The following FAM227A variants were observed in gnomAD, a reference collection of about 807,000 sequenced individuals.
FAM227A encodes family with sequence similarity 227 member A, also known as protein FAM227A.
A neutral mutation model predicts 74.7 loss-of-function variants in FAM227A; 80 were observed. The observed-to-expected ratio is 1.07, with a 90% CI of 0.89 to 1.29. The LOEUF is 1.29. Ranked by LOEUF, FAM227A falls within the 50% of genes most tolerant of loss-of-function variation. FAM227A has a pLI of 0.00. For missense variants in FAM227A, 654 were observed against 683.4 expected, an observed-to-expected ratio of 0.96 and a Z score of 0.48; for synonymous variants, 237 against 241.8, an observed-to-expected ratio of 0.98 and a Z score of 0.19.
rs759364282 is a variant in FAM227A at position 38,628,256 on chromosome 22, A to T, written c.708T>A (p.Ser236=). Residue 236 remains serine, a synonymous_variant, in exon 8 of 17, where the codon TCT becomes TCA. Transcript: ENST00000535113. ...TGCTCACTTTTAAGAGCGCCTCTTC[A>T]GAGTGGGACTTGGGTACACGAAACA... ...LLLFRVPKSH[S]EEALLKRLPS... The T allele has an allele frequency of 3.2e-5, 50 of 1,549,646 alleles. No individual in the cohort carries two copies. The South Asian group carries it at 3.6e-4, about 11-fold the overall frequency.
intron 11 of FAM227A, among the ~76,000 whole-genome samples, chr22:38,613,371 A>ATATATAT (rs2091499024): frequency 1.8e-4 from 2 of 11,324 alleles, no homozygotes; most frequent in African/African-American, 1.1e-3. Flanking sequence ...ATCATATATA[A>ATATATAT]TATATAACAT....
chr22:38,607,567 A>ACCC, intron 11 of FAM227A, 91 bp from the exon 12 acceptor site: 1 of 864,158 alleles, frequency 1.2e-6, no homozygotes, highest in Non-Finnish European at 1.9e-6. Context: ...AAAAAGTAAT[A>ACCC]CATGCAATTT....
In FAM227A at chr22:38,582,801, GC is replaced by G; in HGVS notation, c.*3323del. 1 of 1,546,990 alleles carries G rather than the reference GC, an allele frequency of 6.5e-7. No individual in the cohort carries two copies. On this transcript the variant is annotated 3_prime_UTR_variant, in exon 17 of 17. Transcript: ENST00000535113. ...ATTCCAATCTACTATGGTAACTGCT[GC>G]CATAATGGGATGGCACAGAATGCTG...
In FAM227A at chr22:38,596,806, T is replaced by C. The variant is rs537220495; in HGVS notation, c.1532+398A>G. ...GAGGAAAATGTCCATAATATGCTGC[T>C]AGTGGGAAAAAATAGGTCTAAAAAA... On this transcript the variant is annotated intron_variant, in intron 15 of 16. Coordinates refer to ENST00000535113, the MANE Select transcript of FAM227A (RefSeq NM_001013647.2). Among the ~76,000 whole-genome samples, 16 of 152,166 alleles carry C rather than the reference T, an allele frequency of 1.1e-4. No homozygotes were observed. In the South Asian group the frequency reaches 3.3e-3, roughly 32 times the overall value.
chr22:38,629,161 A>C (rs796964818), intron 6 of FAM227A, among the ~76,000 whole-genome samples: 9 of 152,328 alleles, frequency 5.9e-5, no homozygotes, highest in African/African-American at 2.2e-4. Context: ...TGGCTGAGCC[A>C]GGACTGGAAC....
At chr22:38,637,764 G>GT (rs1456038109) in intron 5 of FAM227A, among the ~76,000 whole-genome samples, 1 of 152,258 alleles carries the variant, frequency 6.6e-6, no homozygotes, top group African/African-American at 2.4e-5. Flanking sequence ...GCCTTGTGCT[G>GT]TTTTGGAATT....
rs1326343349 is a variant in FAM227A at position 38,626,171 on chromosome 22, A to C, written c.850+9T>G. The stretch of plus-strand genomic sequence containing the variant: ...TCGCTTTCCCCGGTGGAAAAAAGTC[A>C]CCTCTCACCTGAAATCCACAGGCTC... On this transcript the variant is annotated intron_variant, in intron 9 of 16. Transcript: ENST00000535113. 2 of 1,549,216 alleles carry C rather than the reference A, an allele frequency of 1.3e-6. No homozygotes were observed. Among genetic ancestry groups the C allele is most frequent in the African/African-American group, 2.7e-5 (2 of 72,914 alleles).
At chr22:38,603,185 A>C (rs1227970911) in intron 13 of FAM227A, among the ~76,000 whole-genome samples, 2 of 152,150 alleles carry the variant, frequency 1.3e-5, no homozygotes, top group African/African-American at 4.8e-5. Flanking sequence ...ACTAATATTA[A>C]TTTTAAAATT....
chr22:38,582,105 A>C lies in FAM227A; in HGVS notation c.*4020T>G. 2.2e-6 allele frequency: 1 copy of C among 461,878 alleles called. No homozygotes were observed. The allele number at this position is 461,878 out of a possible 1,614,324, so 28.6% of individuals were successfully genotyped here. A position where few individuals can be genotyped will look rare whatever the true frequency, so the allele number is the denominator to read the frequency against. ...GACATATGAGAAACTGCACACATTT[A>C]AAGTGTATTTAGGTGTGTATACACC... On this transcript the variant is annotated 3_prime_UTR_variant, in exon 17 of 17. Coordinates refer to ENST00000535113, the MANE Select transcript of FAM227A (RefSeq NM_001013647.2).
intron 1 of FAM227A, among the ~76,000 whole-genome samples, chr22:38,650,906 T>C (rs1273366393): frequency 2.0e-5 from 3 of 152,150 alleles, no homozygotes; most frequent in African/African-American, 2.4e-5. Context: ...CTCGTTATAA[T>C]ACAGCAAAAG....
intron 10 of FAM227A, among the ~76,000 whole-genome samples, chr22:38,621,828 A>G (rs2091697787): frequency 6.6e-6 from 1 of 152,010 alleles, no homozygotes; most frequent in Admixed American, 6.6e-5. Flanking sequence ...TTGGACCAAC[A>G]CACCCTTCAA....
At chr22:38,630,802 T>A (rs1365024414) in intron 6 of FAM227A, among the ~76,000 whole-genome samples, 1 of 152,130 alleles carries the variant, frequency 6.6e-6, no homozygotes, top group African/African-American at 2.4e-5. Flanking sequence ...GGACAAGGCA[T>A]CCCAGGGGGA....
rs1039040605 is a variant in FAM227A at position 38,646,657 on chromosome 22, A to AT, written c.143-1013dup. Among the ~76,000 whole-genome samples, 1,095 of 144,534 alleles carry AT rather than the reference A, an allele frequency of 7.6e-3. 10 individuals carry two copies. Among genetic ancestry groups the AT allele is most frequent in the Non-Finnish European group, 0.011 (744 of 65,518 alleles). The allele number at this position is 144,534 out of a possible 152,430, so 94.8% of individuals were successfully genotyped here. A position where few individuals can be genotyped will look rare whatever the true frequency, so the allele number is the denominator to read the frequency against. On this transcript the variant is annotated intron_variant, in intron 2 of 16. Coordinates refer to ENST00000535113, the MANE Select transcript of FAM227A (RefSeq NM_001013647.2). ...TTCTCTTCCAGTCATTATTATTATT[A>AT]TTTTTTTTTTTGAGATGGAGTCTCA...
intron 4 of FAM227A, among the ~76,000 whole-genome samples, chr22:38,639,173 G>A (rs990488985): frequency 6.6e-6 from 1 of 152,154 alleles, no homozygotes; most frequent in Non-Finnish European, 1.5e-5. Context: ...ACTTTGGGAG[G>A]CTGAGGCAGG....
chr22:38,586,238 TA>T, intron 16 of FAM227A, 39 bp from the exon 17 acceptor site: 1 of 1,544,684 alleles, frequency 6.5e-7, no homozygotes, highest in Non-Finnish European at 8.8e-7. Context: ...AAAATTAATT[TA>T]AAAAATGTAA....
In FAM227A at chr22:38,605,307, C is replaced by T. The variant is rs1430380551; in HGVS notation, c.1168G>A (p.Glu390Lys). The T allele has an allele frequency of 1.9e-6, 3 of 1,551,208 alleles. No homozygotes were observed. In the South Asian group the frequency reaches 3.6e-5, roughly 18 times the overall value. The change falls in exon 13 of 17, where the codon GAA (glutamate) becomes AAA (lysine). Residue 390 changes from glutamate (E) to lysine (K), a missense_variant. Transcript: ENST00000535113. ...CTTGCTTCTGATATCCTCTTGACTT[C>T]TTGCGTAGGTTTCTTCAAGACCAGG... Reference protein sequence around the residue: ...QTLVLKKPTQEVKRISEAREC... With the variant: ...QTLVLKKPTQKVKRISEAREC...
chr22:38,655,189 G>T (rs543601703), intron 1 of FAM227A, among the ~76,000 whole-genome samples: 89 of 151,244 alleles, frequency 5.9e-4, no homozygotes, highest in Non-Finnish European at 9.7e-4. Flanking sequence ...TAAAAGAATG[G>T]CTACTCCATA....
At chr22:38,652,546 C>A (rs1435934441) in intron 1 of FAM227A, among the ~76,000 whole-genome samples, 1 of 148,904 alleles carries the variant, frequency 6.7e-6, no homozygotes, top group Admixed American at 6.8e-5. Flanking sequence ...CGAGATCACG[C>A]CACTGCACTC....
chr22:38,582,240 A>G lies in FAM227A; in HGVS notation c.*3885T>C, dbSNP rs2090716936. The stretch of plus-strand genomic sequence containing the variant: ...CTTCCCTCCTATCCCCTCTCCAGCT[A>G]TCCCTCCTGTTCTTCAGGAAACTGT... On this transcript the variant is annotated 3_prime_UTR_variant, in exon 17 of 17. Coordinates refer to ENST00000535113, the MANE Select transcript of FAM227A (RefSeq NM_001013647.2). The G allele has an allele frequency of 1.7e-6, 2 of 1,181,538 alleles. No homozygotes were observed. The highest frequency in any genetic ancestry group is 2.2e-5 in the Admixed American group (1 of 44,992). 73.2% of individuals were successfully genotyped at this position (1,181,538 alleles called of 1,614,324 possible). A position where few individuals can be genotyped will look rare whatever the true frequency, so the allele number is the denominator to read the frequency against.
Sources: allele counts gnomAD v4.1 joint callset (sites outside exome capture counted in the v4.1 genomes callset), GRCh38; gene constraint gnomAD v4.1.1; transcripts MANE v1.5; gene names NCBI Gene and HGNC (gene_info 2026-07-23, HGNC 2026-07-21).